PTPRD: variants seen among roughly 807,000 people sequenced by gnomAD.
The protein encoded by PTPRD is receptor-type tyrosine-protein phosphatase delta.
A neutral mutation model predicts 214.5 loss-of-function variants in PTPRD; 34 were observed. The observed-to-expected ratio is 0.16, with a 90% CI of 0.12 to 0.21. The LOEUF is 0.21. Ranked by LOEUF, PTPRD falls within the 10% of genes least tolerant of loss-of-function variation. The probability of loss-of-function intolerance (pLI) is 1.00; values close to 1 mark genes in which losing one functional copy is unlikely to be tolerated. For synonymous variants in PTPRD, 1,128 were observed against 845.7 expected (o/e 1.33, Z -5.79); for missense variants, 2,545 against 2,398.7 (o/e 1.06, Z -1.27).
At chr9:8,691,171 T>C (rs1372108458) in intron 12 of PTPRD, among the ~76,000 whole-genome samples, 32 of 152,136 alleles carry the variant, frequency 2.1e-4, no homozygotes, top group Non-Finnish European at 4.4e-5. Flanking sequence ...ATGGCCACTG[T>C]TCTAAAATAT....
intron 11 of PTPRD, among the ~76,000 whole-genome samples, chr9:8,761,451 G>C (rs1234536933): frequency 6.6e-6 from 1 of 152,070 alleles, no homozygotes; most frequent in African/African-American, 2.4e-5. Flanking sequence ...ACACAATATG[G>C]TTACTGTTTA....
chr9:10,503,260 A>G (rs1036875969), intron 2 of PTPRD, among the ~76,000 whole-genome samples: 4 of 151,216 alleles, frequency 2.6e-5, no homozygotes, highest in South Asian at 2.1e-4. Flanking sequence ...TTAATAATTA[A>G]GTGAATAAAT....
intron 14 of PTPRD, among the ~76,000 whole-genome samples, chr9:8,585,708 C>T (rs2093599410): frequency 6.6e-6 from 1 of 152,104 alleles, no homozygotes; most frequent in Non-Finnish European, 1.5e-5. Flanking sequence ...TGAATGTCTG[C>T]CATGTGTGAA....
rs574535931 is a variant in PTPRD at position 8,342,112 on chromosome 9, T to C, written c.4662-134A>G. 17 of 924,462 alleles carry C rather than the reference T, an allele frequency of 1.8e-5. No individual in the cohort carries two copies. In the East Asian group the frequency reaches 2.4e-4, roughly 13 times the overall value. The allele number at this position is 924,462 out of a possible 1,614,324, so 57.3% of individuals were successfully genotyped here. ...TACTCAAATAGCTATTGGGATGACT[T>C]TGTAATACTCTAAAGTCAAAAGTAT... On this transcript the variant is annotated intron_variant, in intron 39 of 45. Coordinates refer to ENST00000381196, the MANE Select transcript of PTPRD (RefSeq NM_002839.4).
intron 5 of PTPRD, among the ~76,000 whole-genome samples, chr9:9,819,713 G>A (rs1470788985): frequency 6.6e-6 from 1 of 151,972 alleles, no homozygotes; most frequent in African/African-American, 2.4e-5. Flanking sequence ...CCATTTTCAT[G>A]TCCATGAGCA....
chr9:10,175,491 T>A (rs2099242470), intron 3 of PTPRD, among the ~76,000 whole-genome samples: 1 of 152,052 alleles, frequency 6.6e-6, no homozygotes, highest in South Asian at 2.1e-4. Flanking sequence ...TGATTAAGAA[T>A]ACCAAATACT....
chr9:10,096,871 A>AT (rs1231004680), intron 3 of PTPRD, among the ~76,000 whole-genome samples: 1 of 152,004 alleles, frequency 6.6e-6, no homozygotes, highest in Non-Finnish European at 1.5e-5. Flanking sequence ...TTATGCTTTT[A>AT]GGTCTAACAC....
At chr9:10,131,090 G>C (rs1262931270) in intron 3 of PTPRD, among the ~76,000 whole-genome samples, 2 of 152,182 alleles carry the variant, frequency 1.3e-5, no homozygotes, top group African/African-American at 4.8e-5. Context: ...TGGAGGCTGG[G>C]CTGCAGAGGA....
At chr9:9,707,124 T>C (rs906682668) in intron 7 of PTPRD, among the ~76,000 whole-genome samples, 4 of 152,182 alleles carry the variant, frequency 2.6e-5, no homozygotes, top group African/African-American at 9.6e-5. Context: ...CTGACTGACA[T>C]GTTTGAAATG....
intron 11 of PTPRD, among the ~76,000 whole-genome samples, chr9:8,813,535 C>T (rs1473489628): frequency 6.6e-6 from 1 of 152,108 alleles, no homozygotes; most frequent in Non-Finnish European, 1.5e-5. Flanking sequence ...CCATGCCTAG[C>T]CAATTTAAAA....
chr9:8,876,401 G>GAAAT (rs2098390904), intron 11 of PTPRD, among the ~76,000 whole-genome samples: 1 of 152,048 alleles, frequency 6.6e-6, no homozygotes, highest in Non-Finnish European at 1.5e-5. Context: ...TTAAACACTG[G>GAAAT]AAATAGACCA....
chr9:8,590,691 C>T (rs753287776), intron 14 of PTPRD, among the ~76,000 whole-genome samples: 3 of 152,166 alleles, frequency 2.0e-5, no homozygotes, highest in African/African-American at 2.4e-5. Flanking sequence ...GTGTGAAGAG[C>T]AGGGGTCACA....
intron 14 of PTPRD, among the ~76,000 whole-genome samples, chr9:8,570,837 T>C (rs1223534515): frequency 6.6e-6 from 1 of 151,892 alleles, no homozygotes; most frequent in African/African-American, 2.4e-5. Flanking sequence ...AGCACATATA[T>C]TTTATGCCCA....
intron 11 of PTPRD, among the ~76,000 whole-genome samples, chr9:8,797,560 T>C (rs1405348198): frequency 6.6e-6 from 1 of 152,162 alleles, no homozygotes; most frequent in Non-Finnish European, 1.5e-5. Flanking sequence ...ACCACAGGGT[T>C]CTATCTTGCT....
At chr9:10,018,697 G>A (rs548738799) in intron 4 of PTPRD, among the ~76,000 whole-genome samples, 42 of 149,632 alleles carry the variant, frequency 2.8e-4, no homozygotes, top group Non-Finnish European at 5.2e-4. Context: ...ACAGGCGCCC[G>A]CCACTACGCC....
At chr9:9,073,045 T>C (rs75682233) in intron 10 of PTPRD, among the ~76,000 whole-genome samples, 158 of 152,228 alleles carry the variant, frequency 1.0e-3, no homozygotes, top group African/African-American at 3.7e-3. Flanking sequence ...TTTTCAATAA[T>C]ATAATGGTGA....
intron 5 of PTPRD, among the ~76,000 whole-genome samples, chr9:9,811,215 A>G (rs1210332208): frequency 1.3e-5 from 2 of 152,114 alleles, no homozygotes; most frequent in Admixed American, 1.3e-4. Context: ...AAATAAATCA[A>G]TAAAAGCAGT....
chr9:10,510,525 G>C (rs543942381), intron 2 of PTPRD, among the ~76,000 whole-genome samples: 5 of 151,800 alleles, frequency 3.3e-5, no homozygotes, highest in Non-Finnish European at 5.9e-5. Context: ...TGTTGCTTTC[G>C]GCATATCGCT....
At position 9,295,357 on chromosome 9, in the gene PTPRD, T is replaced by C. The variant is rs560859395; in HGVS notation, c.-203+102092A>G. On this transcript the variant is annotated intron_variant, in intron 9 of 45. Coordinates refer to ENST00000381196, the MANE Select transcript of PTPRD (RefSeq NM_002839.4). Reference sequence around the variant, plus strand: ...AATCTTTACAGCTTACTCCCTTTTTTAATACCATTTTTTTCTTGAAAATAA... The same window carrying C: ...AATCTTTACAGCTTACTCCCTTTTTCAATACCATTTTTTTCTTGAAAATAA... Among the ~76,000 whole-genome samples the C allele has an allele frequency of 7.2e-5, 11 of 151,914 alleles. No homozygotes were observed. The East Asian group carries it at 1.9e-3, about 27-fold the overall frequency.
Sources: gnomAD v4.1 joint callset for allele counts (sites outside exome capture counted in the v4.1 genomes callset) on GRCh38, gnomAD v4.1.1 for gene constraint, MANE v1.5 for transcripts, NCBI Gene and HGNC (gene_info 2026-07-23, HGNC 2026-07-21) for gene names.